ZNF423: variants seen among roughly 807,000 people sequenced by gnomAD.
ZNF423 encodes zinc finger protein 423.
ZNF423 carries 12 observed loss-of-function variants against 95.8 expected under a neutral mutation model. That is an observed-to-expected ratio of 0.13 (90% confidence interval 0.08 to 0.20). The LOEUF (loss-of-function observed/expected upper bound fraction) is 0.20, where lower values mean the gene tolerates loss of function less well. ZNF423 is among the 10% of genes least tolerant of loss of function. The pLI, the probability that ZNF423 is intolerant of heterozygous loss-of-function variation, is 1.00. For synonymous variants in ZNF423, 749 were observed against 711.9 expected (o/e 1.05, Z -0.83); for missense variants, 1,316 against 1,737.1 (o/e 0.76, Z 4.31).
intron 1 of ZNF423, among the ~76,000 whole-genome samples, chr16:49,791,633 A>G (rs926333918): frequency 2.0e-5 from 3 of 152,158 alleles, no homozygotes; most frequent in African/African-American, 7.2e-5. Context: ...GCTGATAAAG[A>G]GGTCAGATAT....
At chr16:49,548,319 A>G (rs1009078372) in intron 5 of ZNF423, among the ~76,000 whole-genome samples, 2 of 152,198 alleles carry the variant, frequency 1.3e-5, no homozygotes, top group Non-Finnish European at 2.9e-5. Flanking sequence ...CGACATTAAA[A>G]TTTGGTCTAG....
intron 5 of ZNF423, among the ~76,000 whole-genome samples, chr16:49,599,131 C>T (rs1026807241): frequency 6.6e-6 from 1 of 152,188 alleles, no homozygotes; most frequent in Admixed American, 6.5e-5. Context: ...ACACAACATG[C>T]TTGTCTGCCT....
intron 1 of ZNF423, among the ~76,000 whole-genome samples, chr16:49,810,758 C>T (rs1379614962): frequency 1.3e-5 from 2 of 152,220 alleles, no homozygotes; most frequent in South Asian, 2.1e-4. Context: ...ATGCCCCTCT[C>T]GGAAATGCCA....
rs778755872 is a variant in ZNF423, at chr16:49,635,854, C to T, written c.3322G>A (p.Ala1108Thr). The change falls in exon 4 of 8, where the codon GCC (alanine) becomes ACC (threonine). Residue 1108 changes from alanine (A) to threonine (T), a missense_variant. By Grantham distance (58) the Ala-to-Thr change is moderately conservative. Transcript: ENST00000563137. This position sits in a 1 kb window ranked among gnomAD's most constrained non-coding sequence, Gnocchi z 4.8. ...GCCAGGCCACCCACCTGTCCGTTGG[C>T]GCTGCGGGCCATGCAGCCGGCGCAG... ...GLCAGCMARS[A>T]NGQVGGLAPP... is the part of the protein sequence containing the mutation. 6.9e-6 allele frequency: 11 copies of T among 1,594,158 alleles called. No homozygotes were observed. The highest frequency in any genetic ancestry group is 5.3e-5 in the Admixed American group (3 of 56,192).
chr16:49,831,081 T>G (rs1263462314), intron 1 of ZNF423, among the ~76,000 whole-genome samples: 1 of 152,066 alleles, frequency 6.6e-6, no homozygotes, highest in African/African-American at 2.4e-5. Context: ...CCAGGGGAAT[T>G]TCACAACCTC....
At chr16:49,854,443 G>A (rs1181999322) in intron 1 of ZNF423, 2 of 985,316 alleles carry the variant, frequency 2.0e-6, no homozygotes, top group African/African-American at 3.5e-5. Context: ...GGAAGGGAGC[G>A]GGGCCCCAGC....
intron 1 of ZNF423, chr16:49,854,652 G>A (rs760579792): frequency 1.0e-6 from 1 of 985,276 alleles, no homozygotes; most frequent in Non-Finnish European, 1.2e-6. Flanking sequence ...CGAGGGGCTA[G>A]AATCGGGACA....
chr16:49,519,059 G>A (rs975102037), intron 7 of ZNF423, among the ~76,000 whole-genome samples: 6 of 152,140 alleles, frequency 3.9e-5, no homozygotes, highest in Admixed American at 1.3e-4. Flanking sequence ...GCCAGACCCT[G>A]TCACTTAAAA....
chr16:49,626,891 C>G lies in ZNF423; in HGVS notation c.3517-637G>C, dbSNP rs1455555403. 2.9e-5 allele frequency among the ~76,000 whole-genome samples: 4 copies of G among 136,114 alleles called. 1 individual carries two copies. The East Asian group carries it at 1.1e-3, about 36-fold the overall frequency. 89.3% of individuals were successfully genotyped at this position (136,114 alleles called of 152,430 possible). ...CATCCATCCATCTACATAATACCCA[C>G]CCATCCTCCATCTACCCATCCATTC... is the stretch of plus-strand genomic sequence containing the variant. On this transcript the variant is annotated intron_variant, in intron 4 of 7. Transcript: ENST00000563137.
intron 3 of ZNF423, among the ~76,000 whole-genome samples, chr16:49,725,764 C>T (rs910048377): frequency 6.6e-6 from 1 of 152,190 alleles, no homozygotes; most frequent in African/African-American, 2.4e-5. Context: ...GCCTTCACTG[C>T]AGTGTGGAGG....
At chr16:49,799,745 TAG>T (rs1246301737) in intron 1 of ZNF423, among the ~76,000 whole-genome samples, 9 of 152,180 alleles carry the variant, frequency 5.9e-5, no homozygotes, top group African/African-American at 2.2e-4. Context: ...ATGTGTAAAA[TAG>T]GACAATGAGT....
At chr16:49,649,820 T>G (rs1040658668) in intron 3 of ZNF423, among the ~76,000 whole-genome samples, 1 of 152,014 alleles carries the variant, frequency 6.6e-6, no homozygotes, top group Admixed American at 6.6e-5. Flanking sequence ...CTATTGGAGG[T>G]TCTTTCCTCA....
chr16:49,689,707 C>G (rs1481786603), intron 3 of ZNF423, among the ~76,000 whole-genome samples: 2 of 152,174 alleles, frequency 1.3e-5, no homozygotes, highest in Admixed American at 1.3e-4. Flanking sequence ...AGGCATGGTA[C>G]ACCATTGCTG....
intron 3 of ZNF423, among the ~76,000 whole-genome samples, chr16:49,667,898 G>A (rs1381604661): frequency 6.6e-6 from 1 of 152,076 alleles, no homozygotes; most frequent in East Asian, 1.9e-4. Flanking sequence ...AAATAATAAT[G>A]ATAATAAAGA....
intron 7 of ZNF423, among the ~76,000 whole-genome samples, chr16:49,522,925 T>C (rs1968459406): frequency 6.6e-6 from 1 of 152,172 alleles, no homozygotes; most frequent in Non-Finnish European, 1.5e-5. Flanking sequence ...GCAGTTTCAC[T>C]TGGGCACAGA....
At chr16:49,816,390 G>A (rs1567356861) in intron 1 of ZNF423, among the ~76,000 whole-genome samples, 1 of 152,140 alleles carries the variant, frequency 6.6e-6, no homozygotes. Flanking sequence ...TGCTTGGAAA[G>A]TACTTTTCCC....
chr16:49,659,893 C>T lies in ZNF423; in HGVS notation c.302-21019G>A, dbSNP rs548267655. Among the ~76,000 whole-genome samples, 69 of 152,318 alleles carry T rather than the reference C, an allele frequency of 4.5e-4. 1 individual carries two copies. In the South Asian group the frequency reaches 0.012, roughly 27 times the overall value. ...CCAAATGGTCCCCAGCTCCTCCCAGCACCCAGCACACAGTAGGCCCTCAAT... is the reference window on the plus strand; with the variant it reads ...CCAAATGGTCCCCAGCTCCTCCCAGTACCCAGCACACAGTAGGCCCTCAAT... On this transcript the variant is annotated intron_variant, in intron 3 of 7. Transcript: ENST00000563137.
chr16:49,771,288 C>A (rs1276506307), intron 2 of ZNF423, among the ~76,000 whole-genome samples: 1 of 149,534 alleles, frequency 6.7e-6, no homozygotes, highest in East Asian at 2.0e-4. Flanking sequence ...CTGCAACCTC[C>A]ACCTCTCAGG....
At chr16:49,541,937 T>C (rs963810649) in intron 5 of ZNF423, among the ~76,000 whole-genome samples, 5 of 152,254 alleles carry the variant, frequency 3.3e-5, no homozygotes, top group African/African-American at 1.2e-4. Context: ...TTATAAAGTA[T>C]CCAGTGTCAG....
Sources: allele counts gnomAD v4.1 joint callset (sites outside exome capture counted in the v4.1 genomes callset), GRCh38; gene constraint gnomAD v4.1.1; non-coding constraint Gnocchi (gnomAD v3.1); transcripts MANE v1.5; gene names NCBI Gene and HGNC (gene_info 2026-07-23, HGNC 2026-07-21).